Variants in LRRC7 observed in about 807,000 individuals in gnomAD.
LRRC7 encodes leucine rich repeat containing 7.
Under a neutral mutation model 175.7 loss-of-function variants are expected in LRRC7, and 23 were observed. The observed-to-expected ratio is 0.13, with a 90% CI of 0.09 to 0.19. LRRC7 has a LOEUF of 0.19. Among genes scored for constraint, LRRC7 ranks in the 10% least tolerant of loss-of-function variants. The pLI, the probability that LRRC7 is intolerant of heterozygous loss-of-function variation, is 1.00. For synonymous variants in LRRC7, 685 were observed against 680.9 expected, an observed-to-expected ratio of 1.01 and a Z score of -0.09; for missense variants, 1,354 against 1,904.7, an observed-to-expected ratio of 0.71 and a Z score of 5.38.
chr1:69,880,330 G>A (rs1446745358), intron 7 of LRRC7, among the ~76,000 whole-genome samples: 1 of 152,190 alleles, frequency 6.6e-6, no homozygotes, highest in African/African-American at 2.4e-5. Context: ...AGGACATCAG[G>A]AGCTTGCACT....
At chr1:69,912,154 G>A (rs533174154) in intron 7 of LRRC7, among the ~76,000 whole-genome samples, 4 of 152,042 alleles carry the variant, frequency 2.6e-5, no homozygotes, top group Non-Finnish European at 5.9e-5. Context: ...CAAGGATACT[G>A]AGCAACGATT....
chr1:69,914,047 A>G (rs2101711270), intron 7 of LRRC7, among the ~76,000 whole-genome samples: 1 of 152,332 alleles, frequency 6.6e-6, no homozygotes, highest in South Asian at 2.1e-4. Flanking sequence ...TCTTTTTTTA[A>G]GTGTCATTAA....
chr1:69,810,391 T>C (rs985853722), intron 4 of LRRC7, among the ~76,000 whole-genome samples: 4 of 152,052 alleles, frequency 2.6e-5, no homozygotes, highest in South Asian at 4.1e-4. Context: ...CAAGTTACCA[T>C]TGACTTTCTT....
intron 7 of LRRC7, among the ~76,000 whole-genome samples, chr1:69,930,919 C>A (rs1393198690): frequency 6.6e-6 from 1 of 151,150 alleles, no homozygotes; most frequent in East Asian, 1.9e-4. Context: ...CCCACCAGGT[C>A]CCTTCCTCAG....
intron 2 of LRRC7, among the ~76,000 whole-genome samples, chr1:69,681,080 C>A (rs1660428356): frequency 6.6e-6 from 1 of 151,884 alleles, no homozygotes; most frequent in Non-Finnish European, 1.5e-5. Flanking sequence ...TTTTTAGAAA[C>A]AATAATGCAT....
Position 70,129,920 on chromosome 1 carries a change from G to T in LRRC7, c.*8033G>T, listed in dbSNP as rs749535600. On this transcript the variant is annotated 3_prime_UTR_variant, in exon 27 of 27. Transcript: ENST00000651989. ...TAAATCCTTACTTTTCCAAGTATTC[G>T]CTGTGTTTTATATTTCAGCTTTTGC... Among the ~76,000 whole-genome samples, 1 of 151,984 alleles carries T rather than the reference G, an allele frequency of 6.6e-6. No homozygotes were observed. Among genetic ancestry groups the T allele is most frequent in the Non-Finnish European group, 1.5e-5 (1 of 67,990 alleles).
rs59194367 is a variant in LRRC7 at position 69,781,729 on chromosome 1, A to G, written c.304-10314A>G. On this transcript the variant is annotated intron_variant, in intron 3 of 26. Coordinates refer to ENST00000651989, the MANE Select transcript of LRRC7 (RefSeq NM_001370785.2). The stretch of plus-strand genomic sequence containing the variant: ...AAAGAAAGAAAGAAAGAAAGAAAGA[A>G]AGAAAGAGAGAGAGAGAGAGAGAGA... 2.0e-3 allele frequency among the ~76,000 whole-genome samples: 65 copies of G among 32,930 alleles called. 2 individuals are homozygous for G. The highest frequency in any genetic ancestry group is 5.8e-3 in the African/African-American group (31 of 5,380). 21.6% of individuals were successfully genotyped at this position (32,930 alleles called of 152,430 possible). A position where few individuals can be genotyped will look rare whatever the true frequency, so the allele number is the denominator to read the frequency against.
At chr1:69,674,301 G>A (rs559754321) in intron 1 of LRRC7, among the ~76,000 whole-genome samples, 1 of 152,144 alleles carries the variant, frequency 6.6e-6, no homozygotes, top group Non-Finnish European at 1.5e-5. Flanking sequence ...GTCCAGAAAA[G>A]ATTGGTTAAA....
intron 11 of LRRC7, among the ~76,000 whole-genome samples, chr1:70,010,098 T>C (rs1025386810): frequency 1.3e-5 from 2 of 152,220 alleles, no homozygotes; most frequent in Non-Finnish European, 2.9e-5. Context: ...GCTTTGTTTT[T>C]TGAGCTGTGG....
At chr1:70,067,412 C>G (rs978082290) in intron 23 of LRRC7, among the ~76,000 whole-genome samples, 1 of 152,088 alleles carries the variant, frequency 6.6e-6, no homozygotes, top group Non-Finnish European at 1.5e-5. Context: ...GCATTTGCAT[C>G]TTTGTCTCAA....
chr1:69,932,535 G>C (rs1158462102), intron 8 of LRRC7, among the ~76,000 whole-genome samples: 1 of 152,156 alleles, frequency 6.6e-6, no homozygotes, highest in Non-Finnish European at 1.5e-5. Context: ...TATTTTGAAT[G>C]CACAAAGAAA....
At chr1:69,947,157 A>G (rs1649425106) in intron 8 of LRRC7, among the ~76,000 whole-genome samples, 1 of 150,742 alleles carries the variant, frequency 6.6e-6, no homozygotes, top group Non-Finnish European at 1.5e-5. Context: ...ATAAATCTAA[A>G]GTGAATCTCT....
In LRRC7 at chr1:70,039,287, G is replaced by A. The variant is rs1440012256; in HGVS notation, c.3463G>A (p.Asp1155Asn). The A allele has an allele frequency of 3.1e-6, 5 of 1,613,998 alleles. No individual in the cohort carries two copies. The highest frequency in any genetic ancestry group is 3.4e-6 in the Non-Finnish European group (4 of 1,179,984). ...CAGGGCGGGCTTCCTGAGAAGGGCCGACTCCCTGGTGAGCGCCACAGAAAT... is the reference window on the plus strand; with the variant it reads ...CAGGGCGGGCTTCCTGAGAAGGGCCAACTCCCTGGTGAGCGCCACAGAAAT... ...GARAGFLRRA[D>N]SLVSATEMAM... Residue 1155 changes from aspartate (D) to asparagine (N), a missense_variant, in exon 21 of 27, where the codon GAC (aspartate) becomes AAC (asparagine). Transcript: ENST00000651989.
intron 23 of LRRC7, among the ~76,000 whole-genome samples, chr1:70,068,915 A>T (rs1662176028): frequency 6.6e-6 from 1 of 152,086 alleles, no homozygotes; most frequent in Non-Finnish European, 1.5e-5. Context: ...ATGGAGTCTT[A>T]CTGTTTTGCC....
At chr1:69,861,821 G>T (rs141475035) in intron 7 of LRRC7, among the ~76,000 whole-genome samples, 1 of 152,046 alleles carries the variant, frequency 6.6e-6, no homozygotes, top group African/African-American at 2.4e-5. Flanking sequence ...TGTGTGTGGC[G>T]GACCTGGAAA....
Position 69,952,977 on chromosome 1 carries a change from T to C in LRRC7, c.711+21407T>C, listed in dbSNP as rs79067902. On this transcript the variant is annotated intron_variant, in intron 8 of 26. Coordinates refer to ENST00000651989, the MANE Select transcript of LRRC7 (RefSeq NM_001370785.2). ...CCTGCCCATGCCTTCAGGAAAAGTA[T>C]GTTTGTAGGAGAGACAAGGCAAAAA... 4.3e-4 allele frequency among the ~76,000 whole-genome samples: 61 copies of C among 141,378 alleles called. No homozygotes were observed. In the East Asian group the frequency reaches 0.011, roughly 26 times the overall value. 92.7% of individuals were successfully genotyped at this position (141,378 alleles called of 152,430 possible). A position where few individuals can be genotyped will look rare whatever the true frequency, so the allele number is the denominator to read the frequency against.
chr1:69,913,301 G>A (rs2101709130), intron 7 of LRRC7, among the ~76,000 whole-genome samples: 1 of 152,220 alleles, frequency 6.6e-6, no homozygotes, highest in African/African-American at 2.4e-5. Context: ...TTGACTTTTT[G>A]TTGTTCTTGA....
At chr1:69,913,791 A>G (rs1223037793) in intron 7 of LRRC7, among the ~76,000 whole-genome samples, 1 of 152,102 alleles carries the variant, frequency 6.6e-6, no homozygotes, top group Non-Finnish European at 1.5e-5. Flanking sequence ...GGGATTACTG[A>G]TGTGAGCCAC....
chr1:69,986,131 TA>T, intron 9 of LRRC7, 110 bp from the exon 10 acceptor site: 2 of 967,950 alleles, frequency 2.1e-6, no homozygotes, highest in Non-Finnish European at 3.0e-6. Context: ...CAACACTTGT[TA>T]TTGTTGTGGT....
Sources: allele counts gnomAD v4.1 joint callset (sites outside exome capture counted in the v4.1 genomes callset), GRCh38; gene constraint gnomAD v4.1.1; transcripts MANE v1.5; gene names NCBI Gene and HGNC (gene_info 2026-07-23, HGNC 2026-07-21).